The following CDCA7L variants were observed in gnomAD, a reference collection of about 807,000 sequenced individuals.
CDCA7L encodes the protein cell division cycle associated 7 like, also known as cell division cycle-associated 7-like protein.
A neutral mutation model predicts 57.4 loss-of-function variants in CDCA7L; 44 were observed. The ratio of observed to expected loss-of-function variants is 0.77; its 90% CI spans 0.60 to 0.98. The LOEUF is 0.98. CDCA7L is among the 50% of genes least tolerant of loss of function. CDCA7L has a pLI of 0.00. For missense variants in CDCA7L, 644 were observed against 580.6 expected, an observed-to-expected ratio of 1.11 and a Z score of -1.12; for synonymous variants, 236 against 202.8, an observed-to-expected ratio of 1.16 and a Z score of -1.39.
chr7:21,933,043 T>C (rs1054176742), intron 1 of CDCA7L, among the ~76,000 whole-genome samples: 3 of 151,142 alleles, frequency 2.0e-5, no homozygotes, highest in East Asian at 1.9e-4. Context: ...AACAAACATA[T>C]GAAAAAAAGC....
rs1041456797 is a variant in CDCA7L at position 21,945,850 on chromosome 7, A to G, written c.-46T>C. The G allele has an allele frequency of 3.2e-6, 5 of 1,576,266 alleles. No individual in the cohort carries two copies. The African/African-American group carries it at 4.2e-5, about 13-fold the overall frequency. ...TCTCCTCCCAGCACGCGGCCACGGG[A>G]GCCCGGACTCACCACGGCCCGGCGC... On this transcript the variant is annotated 5_prime_UTR_variant, in exon 1 of 10. Coordinates refer to ENST00000406877, the MANE Select transcript of CDCA7L (RefSeq NM_018719.5).
At chr7:21,910,695 G>A (rs1231044142) in intron 3 of CDCA7L, among the ~76,000 whole-genome samples, 5 of 152,220 alleles carry the variant, frequency 3.3e-5, no homozygotes, top group Non-Finnish European at 7.3e-5. Context: ...TCAAACACGA[G>A]TGGGCAGTAA....
Position 21,921,140 on chromosome 7 carries a change from C to A in CDCA7L, c.25-4246G>T, listed in dbSNP as rs568452001. On this transcript the variant is annotated intron_variant, in intron 1 of 9. Transcript: ENST00000406877. ...CCCCACCACTGCTGCGAGCCTGTGT[C>A]TGACTAGCTAATTCCTCCTTCTGCA... 2.6e-4 allele frequency among the ~76,000 whole-genome samples: 39 copies of A among 152,278 alleles called. No individual in the cohort carries two copies. The South Asian group carries it at 2.9e-3, about 11-fold the overall frequency.
rs777657303 is a variant in CDCA7L, at chr7:21,916,771, G to A, written c.148C>T (p.Leu50=). 6.2e-7 allele frequency: 1 copy of A among 1,613,648 alleles called. No individual in the cohort carries two copies. Among genetic ancestry groups the A allele is most frequent in the South Asian group, 1.1e-5 (1 of 91,068 alleles). ...SEESCDSFDS[L]ESGKQQDVRF... ...ATCCATACCTGTTTCCCTGACTCTA[G>A]TGAGTCAAAACTATCGCAGCTCTCC... The change falls in exon 2 of 10, where the codon CTA becomes TTA. Residue 50 remains leucine (L), a synonymous_variant. Coordinates refer to ENST00000406877, the MANE Select transcript of CDCA7L (RefSeq NM_018719.5).
intron 1 of CDCA7L, among the ~76,000 whole-genome samples, chr7:21,921,286 T>C (rs1785642624): frequency 6.9e-6 from 1 of 145,300 alleles, no homozygotes; most frequent in African/African-American, 2.6e-5. Context: ...CGCAGGGCTC[T>C]GATCCTTCAA....
chr7:21,925,923 TC>T (rs1286625218), intron 1 of CDCA7L, among the ~76,000 whole-genome samples: 2 of 152,172 alleles, frequency 1.3e-5, no homozygotes, highest in African/African-American at 4.8e-5. Context: ...TGGGATCTCA[TC>T]CATCAGTTTG....
chr7:21,907,053 T>G (rs1424874559), intron 4 of CDCA7L, among the ~76,000 whole-genome samples: 2 of 152,218 alleles, frequency 1.3e-5, no homozygotes, highest in Non-Finnish European at 2.9e-5. Context: ...TTTCGATGGT[T>G]ATTTAGAACT....
chr7:21,921,406 CAG>C (rs1036291550), intron 1 of CDCA7L, among the ~76,000 whole-genome samples: 10 of 144,104 alleles, frequency 6.9e-5, no homozygotes, highest in African/African-American at 2.6e-4. Context: ...ATTTGTCTAA[CAG>C]ATGCAACAAA....
intron 9 of CDCA7L, chr7:21,902,565 C>T (rs896429343): frequency 1.6e-5 from 9 of 578,864 alleles, no homozygotes; most frequent in South Asian, 4.3e-5. Flanking sequence ...TCCAGAACCA[C>T]GATTCAGAGT....
intron 1 of CDCA7L, among the ~76,000 whole-genome samples, chr7:21,934,330 G>A (rs1435957833): frequency 6.6e-6 from 1 of 152,148 alleles, no homozygotes; most frequent in East Asian, 1.9e-4. Context: ...TGTCGCTGAA[G>A]TGAAATTGGT....
intron 4 of CDCA7L, 101 bp from the exon 5 acceptor site, chr7:21,906,740 C>T (rs1785155199): frequency 2.7e-6 from 3 of 1,092,294 alleles, no homozygotes; most frequent in African/African-American, 3.1e-5. Flanking sequence ...CCATAAGAAA[C>T]CTAACTTGAA....
intron 1 of CDCA7L, among the ~76,000 whole-genome samples, chr7:21,928,659 A>G (rs553808450): frequency 6.6e-6 from 1 of 151,958 alleles, no homozygotes; most frequent in Non-Finnish European, 1.5e-5. Flanking sequence ...TGAAGCATAC[A>G]CAAGTATCAA....
chr7:21,905,313 G>A (rs796561432), intron 7 of CDCA7L, among the ~76,000 whole-genome samples, 193 bp downstream of exon 7: 16 of 152,114 alleles, frequency 1.1e-4, no homozygotes, highest in Admixed American at 5.2e-4. Context: ...AGAGACCGCC[G>A]TCCAGATGGG....
At chr7:21,942,252 G>C (rs1456078336) in intron 1 of CDCA7L, among the ~76,000 whole-genome samples, 1 of 152,172 alleles carries the variant, frequency 6.6e-6, no homozygotes, top group Non-Finnish European at 1.5e-5. Flanking sequence ...CTTTATTTCT[G>C]TGCTGCATGC....
rs1562617405 is a variant in CDCA7L, at chr7:21,902,282, G to GTACTC, written c.*35_*39dup. 1.3e-6 allele frequency: 2 copies of GTACTC among 1,578,342 alleles called. No individual in the cohort carries two copies. The highest frequency in any genetic ancestry group is 2.2e-5 in the East Asian group (1 of 44,784). On this transcript the variant is annotated 3_prime_UTR_variant, in exon 10 of 10. Coordinates refer to ENST00000406877, the MANE Select transcript of CDCA7L (RefSeq NM_018719.5). ...CCAATGGTATGCATGTCTTGTTGGA[G>GTACTC]TACTCTATGGTGAGGTGGCTGGTTC...
chr7:21,902,449 C>T (rs1784944749), intron 9 of CDCA7L, 97 bp from the exon 10 acceptor site: 4 of 1,178,372 alleles, frequency 3.4e-6, no homozygotes, highest in African/African-American at 3.0e-5. Flanking sequence ...AGTACAAAGC[C>T]AGAACCCAGA....
intron 9 of CDCA7L, chr7:21,902,641 C>T (rs1222650037): frequency 7.7e-6 from 4 of 522,594 alleles, no homozygotes; most frequent in Non-Finnish European, 1.4e-5. Context: ...TCTCTCTCTG[C>T]ACTAGGATTA....
chr7:21,922,588 C>T (rs1055590455), intron 1 of CDCA7L, among the ~76,000 whole-genome samples: 1 of 152,094 alleles, frequency 6.6e-6, no homozygotes, highest in Non-Finnish European at 1.5e-5. Context: ...TGTGGGACAC[C>T]AAGGAAACTG....
chr7:21,910,396 A>G (rs183476028), intron 3 of CDCA7L, among the ~76,000 whole-genome samples: 1 of 152,296 alleles, frequency 6.6e-6, no homozygotes, highest in Admixed American at 6.5e-5. Flanking sequence ...AAAAATCACT[A>G]TCAAACGAAG....
Sources: allele counts gnomAD v4.1 joint callset (sites outside exome capture counted in the v4.1 genomes callset), GRCh38; gene constraint gnomAD v4.1.1; transcripts MANE v1.5; gene names NCBI Gene and HGNC (gene_info 2026-07-23, HGNC 2026-07-21).